Variants in CAPN3 observed in about 807,000 individuals in gnomAD.
The protein encoded by CAPN3 is calpain-3.
Under a neutral mutation model 114.0 loss-of-function variants are expected in CAPN3, and 88 were observed. The observed-to-expected ratio is 0.77, with a 90% CI of 0.65 to 0.92. The LOEUF is 0.92. Ranked by LOEUF, CAPN3 falls within the 40% of genes least tolerant of loss-of-function variation. The probability of loss-of-function intolerance (pLI) is 0.00; values close to 1 mark genes in which losing one functional copy is unlikely to be tolerated. For synonymous variants in CAPN3, 386 were observed against 382.9 expected (o/e 1.01, Z -0.09); for missense variants, 1,028 against 1,069.0 (o/e 0.96, Z 0.53).
At chr15:42,375,417 C>T (rs2053064471) in intron 1 of CAPN3, among the ~76,000 whole-genome samples, 1 of 152,010 alleles carries the variant, frequency 6.6e-6, no homozygotes, top group East Asian at 1.9e-4. Context: ...ATGGCGCAAC[C>T]GAGAAGCCCC....
chr15:42,404,685 A>T, intron 14 of CAPN3: 1 of 1,184,946 alleles, frequency 8.4e-7, no homozygotes, highest in Non-Finnish European at 1.1e-6. Context: ...GGCTGTAGTC[A>T]GCTGACAGTC....
At chr15:42,389,869 C>T (rs2053507468) in intron 5 of CAPN3, 84 bp from the exon 6 acceptor site, 20 of 1,412,604 alleles carry the variant, frequency 1.4e-5, no homozygotes, top group Non-Finnish European at 2.0e-5. Flanking sequence ...CCATCTCTTT[C>T]TCCTCTCTCC....
Position 42,409,694 on chromosome 15 carries a change from C to A in CAPN3, c.1993-93C>A, listed in dbSNP as rs552703359. ...CATAATAGCACCGACAGGGATTTTA[C>A]AAACACAGCCAGGTGGAATTTGTTT... On this transcript the variant is annotated intron_variant, in intron 17 of 23. Transcript: ENST00000397163. The A allele has an allele frequency of 2.2e-4, 261 of 1,175,104 alleles. 1 individual carries two copies. In the East Asian group the frequency reaches 6.0e-3, roughly 27 times the overall value. The allele number at this position is 1,175,104 out of a possible 1,614,324, so 72.8% of individuals were successfully genotyped here.
chr15:42,359,915 G>A lies in CAPN3; in HGVS notation c.110G>A (p.Gly37Glu). Residue 37 changes from glycine (G) to glutamate (E), a missense_variant, in exon 1 of 24, where the codon GGA becomes GAA. Gly to Glu is a moderately conservative substitution (Grantham distance 98). Coordinates refer to ENST00000397163, the MANE Select transcript of CAPN3 (RefSeq NM_000070.3). ...AQSKATEAGG[G>E]NPSGIYSAII... ...AGCAAGGCCACTGAGGCTGGGGGTGGAAACCCAAGTGGCATCTATTCAGCC... is the reference window on the plus strand; with the variant it reads ...AGCAAGGCCACTGAGGCTGGGGGTGAAAACCCAAGTGGCATCTATTCAGCC... The A allele has an allele frequency of 5.0e-6, 8 of 1,614,222 alleles. No homozygotes were observed. Among genetic ancestry groups the A allele is most frequent in the Non-Finnish European group, 6.8e-6 (8 of 1,180,040 alleles).
At chr15:42,409,218 T>C in intron 16 of CAPN3, 85 bp from the exon 17 acceptor site, 1 of 1,336,204 alleles carries the variant, frequency 7.5e-7, no homozygotes, top group Non-Finnish European at 1.1e-6. Flanking sequence ...TTTAGGCACT[T>C]GGCTCCCTTG....
At chr15:42,385,957 G>T (rs1376380579) in intron 2 of CAPN3, 1 of 728,278 alleles carries the variant, frequency 1.4e-6, no homozygotes, top group Non-Finnish European at 2.5e-6. Context: ...TCACAAGGGA[G>T]TAAGTTACCT....
At chr15:42,398,823 C>T (rs2053782806) in intron 9 of CAPN3, among the ~76,000 whole-genome samples, 2 of 112,018 alleles carry the variant, frequency 1.8e-5, no homozygotes, top group Non-Finnish European at 3.3e-5. Flanking sequence ...CTCACTTTGT[C>T]GCCCAGGCTG....
chr15:42,369,552 T>C (rs751515207), intron 1 of CAPN3, among the ~76,000 whole-genome samples: 3 of 152,154 alleles, frequency 2.0e-5, no homozygotes, highest in Non-Finnish European at 2.9e-5. Flanking sequence ...GCAGCATGTT[T>C]TAATCCATTG....
chr15:42,379,463 T>C (rs2053180572), intron 1 of CAPN3, among the ~76,000 whole-genome samples: 1 of 152,224 alleles, frequency 6.6e-6, no homozygotes, highest in Non-Finnish European at 1.5e-5. Context: ...GTTGATAGTG[T>C]TGTTCAGGTC....
At chr15:42,398,489 C>T (rs1012179683) in intron 9 of CAPN3, among the ~76,000 whole-genome samples, 2 of 151,392 alleles carry the variant, frequency 1.3e-5, no homozygotes, top group Admixed American at 6.6e-5. Flanking sequence ...CTGGCTGAGG[C>T]AGGAGAATCC....
rs2054127508 is a variant in CAPN3 at position 42,409,287 on chromosome 15, C to T, written c.1915-16C>T. On this transcript the variant is annotated splice_polypyrimidine_tract_variant and intron_variant, in intron 16 of 23. Coordinates refer to ENST00000397163, the MANE Select transcript of CAPN3 (RefSeq NM_000070.3). ...CTCTGACCCCTGTGAACCAGTTTTC[C>T]TTTGTGCCTCCACAGCCACAGCCTG... is the stretch of plus-strand genomic sequence containing the variant. 1 of 1,613,674 alleles carries T rather than the reference C, an allele frequency of 6.2e-7. No individual in the cohort carries two copies. Among genetic ancestry groups the T allele is most frequent in the Non-Finnish European group, 8.5e-7 (1 of 1,179,764 alleles).
chr15:42,368,278 A>G (rs2052840561), intron 1 of CAPN3, among the ~76,000 whole-genome samples: 1 of 152,196 alleles, frequency 6.6e-6, no homozygotes, highest in Non-Finnish European at 1.5e-5. Context: ...GATACTGTAA[A>G]GAATGTCCTT....
Position 42,412,211 on chromosome 15 carries a change from A to AAACT in CAPN3, c.*443_*446dup. On this transcript the variant is annotated 3_prime_UTR_variant, in exon 24 of 24. Transcript: ENST00000397163. ...GCACTGGGTTCTACTGCTGTGGGGT[A>AAACT]AACTAACTCAGTGGAATAGGGCTGG... 1.3e-6 allele frequency: 2 copies of AAACT among 1,534,912 alleles called. No individual in the cohort carries two copies. Among genetic ancestry groups the AAACT allele is most frequent in the Non-Finnish European group, 1.7e-6 (2 of 1,145,890 alleles).
At position 42,384,555 on chromosome 15, in the gene CAPN3, A is replaced by G. The variant is rs1164215001; in HGVS notation, c.379+3A>G. 2 of 1,610,492 alleles carry G rather than the reference A, an allele frequency of 1.2e-6. No individual in the cohort carries two copies. The highest frequency in any genetic ancestry group is 1.1e-5 in the South Asian group (1 of 91,026). On this transcript the variant is annotated splice_donor_region_variant and intron_variant, in intron 2 of 23. Transcript: ENST00000397163. ...TGACATCTGTCAAGGAGAGCTAGGT[A>G]GGAAAGTGCCTCAGGTCAGATCCTG...
At chr15:42,398,642 T>C (rs575511882) in intron 9 of CAPN3, among the ~76,000 whole-genome samples, 1,599 of 144,786 alleles carry the variant, frequency 0.011, 43 homozygotes, top group African/African-American at 0.038. Context: ...CACATATATA[T>C]ACACACATAT....
chr15:42,388,102 A>T (rs1485770560), intron 4 of CAPN3, among the ~76,000 whole-genome samples: 1 of 152,240 alleles, frequency 6.6e-6, no homozygotes, highest in Non-Finnish European at 1.5e-5. Context: ...GAAGATTTGC[A>T]TAGAAGACCT....
chr15:42,389,825 C>T, intron 5 of CAPN3, 128 bp from the exon 6 acceptor site: 1 of 992,364 alleles, frequency 1.0e-6, no homozygotes, highest in Non-Finnish European at 1.6e-6. Context: ...TCCATTCGTG[C>T]TCTGTTGATC....
At position 42,412,184 on chromosome 15, in the gene CAPN3, C is replaced by T; in HGVS notation, c.*411C>T. The T allele has an allele frequency of 6.5e-7, 1 of 1,536,140 alleles. No individual in the cohort carries two copies. The highest frequency in any genetic ancestry group is 8.7e-7 in the Non-Finnish European group (1 of 1,146,882). On this transcript the variant is annotated 3_prime_UTR_variant, in exon 24 of 24. Transcript: ENST00000397163. The stretch of plus-strand genomic sequence containing the variant: ...TCCCACCATGGGCCAGGAACCAAAC[C>T]AGCACTGGGTTCTACTGCTGTGGGG...
At chr15:42,368,038 TGGA>T (rs2052833746) in intron 1 of CAPN3, among the ~76,000 whole-genome samples, 1 of 152,224 alleles carries the variant, frequency 6.6e-6, no homozygotes, top group Non-Finnish European at 1.5e-5. Flanking sequence ...TTTTCCAACA[TGGA>T]GGACGTCAGT....
Sources: allele counts gnomAD v4.1 joint callset (sites outside exome capture counted in the v4.1 genomes callset), GRCh38; gene constraint gnomAD v4.1.1; transcripts MANE v1.5; gene names NCBI Gene and HGNC (gene_info 2026-07-23, HGNC 2026-07-21).